CEP170: variants seen among roughly 807,000 people sequenced by gnomAD.
The protein encoded by CEP170 is centrosomal protein 170, also known as centrosomal protein of 170 kDa.
CEP170 carries 21 observed loss-of-function variants against 151.9 expected under a neutral mutation model. The ratio of observed to expected loss-of-function variants is 0.14; its 90% CI spans 0.10 to 0.20. CEP170 has a LOEUF of 0.20. Ranked by LOEUF, CEP170 falls within the 10% of genes least tolerant of loss-of-function variation. The probability of loss-of-function intolerance (pLI) is 1.00; values close to 1 mark genes in which losing one functional copy is unlikely to be tolerated. For synonymous variants in CEP170, 356 were observed against 648.8 expected (o/e 0.55, Z 6.86); for missense variants, 964 against 1,892.9 (o/e 0.51, Z 9.11).
At chr1:243,189,979 TGTCCG>T (rs1396767744) in intron 8 of CEP170, among the ~76,000 whole-genome samples, 3 of 152,282 alleles carry the variant, frequency 2.0e-5, no homozygotes, top group Non-Finnish European at 4.4e-5. Context: ...ATCATCTCAC[TGTCCG>T]GAAATGTCTT....
Position 243,191,145 on chromosome 1 carries a change from C to T in CEP170, c.981G>A (p.Met327Ile), listed in dbSNP as rs765332898. 2.5e-6 allele frequency: 4 copies of T among 1,613,146 alleles called. No homozygotes were observed. Among genetic ancestry groups the T allele is most frequent in the Non-Finnish European group, 3.4e-6 (4 of 1,179,446 alleles). ...AGTCAGCAACTTTGTTTTCGGGTGC[C>T]ATCATTCCTGTTTGAATCCCCAGCA... Reference protein sequence around the residue: ...QDLLGIQTGMMAPENKVADWL... With the variant: ...QDLLGIQTGMIAPENKVADWL... Residue 327 changes from methionine to isoleucine, a missense_variant, in exon 8 of 20, where the codon ATG (methionine) becomes ATA (isoleucine). By Grantham distance (10) the Met-to-Ile change is conservative (BLOSUM62 1). Coordinates refer to ENST00000366542, the MANE Select transcript of CEP170 (RefSeq NM_014812.3).
Position 243,165,823 on chromosome 1 carries a change from C to G in CEP170, c.2137G>C (p.Gly713Arg), listed in dbSNP as rs2058399444. The part of the protein sequence containing the change: ...RAVNGETLKT[G>R]GDNKTLLHLG... ...TGAAGTAGGGTTTTATTATCTCCACCAGTTTTGAGAGTCTCTCCATTTACT... is the reference window on the plus strand; with the variant it reads ...TGAAGTAGGGTTTTATTATCTCCACGAGTTTTGAGAGTCTCTCCATTTACT... Residue 713 changes from glycine to arginine, a missense_variant, in exon 13 of 20, where the codon GGT becomes CGT. Physicochemically the swap from Gly to Arg is moderately radical, Grantham distance 125. Coordinates refer to ENST00000366542, the MANE Select transcript of CEP170 (RefSeq NM_014812.3). The G allele has an allele frequency of 6.2e-7, 1 of 1,613,882 alleles. No individual in the cohort carries two copies. The highest frequency in any genetic ancestry group is 1.1e-5 in the South Asian group (1 of 91,090).
intron 17 of CEP170, among the ~76,000 whole-genome samples, chr1:243,133,209 C>T (rs1390373835): frequency 6.6e-6 from 1 of 152,190 alleles, no homozygotes; most frequent in Non-Finnish European, 1.5e-5. Flanking sequence ...AGTGCCCTTG[C>T]TATGGGCTTC....
chr1:243,211,844 T>A, intron 4 of CEP170, 42 bp downstream of exon 4: 2 of 1,572,614 alleles, frequency 1.3e-6, no homozygotes, highest in Non-Finnish European at 1.7e-6. Flanking sequence ...AGTAAACATA[T>A]TTGAATAAAT....
intron 10 of CEP170, among the ~76,000 whole-genome samples, chr1:243,173,797 A>G (rs1206404707): frequency 6.6e-6 from 1 of 152,092 alleles, no homozygotes; most frequent in African/African-American, 2.4e-5. Context: ...AAAGAGTTAG[A>G]AAAAAGTATC....
At chr1:243,176,462 A>T (rs920104805) in intron 10 of CEP170, among the ~76,000 whole-genome samples, 1 of 106,704 alleles carries the variant, frequency 9.4e-6, no homozygotes, top group East Asian at 2.9e-4. Context: ...TCTCTCCTAC[A>T]GTTCCCCCGA....
chr1:243,214,280 G>GTTT lies in CEP170; in HGVS notation c.196-2319_196-2317dup, dbSNP rs758433258. Among the ~76,000 whole-genome samples, 602 of 100,464 alleles carry GTTT rather than the reference G, an allele frequency of 6.0e-3. 12 individuals carry two copies. The highest frequency in any genetic ancestry group is 9.6e-3 in the African/African-American group (265 of 27,644). 65.9% of individuals were successfully genotyped at this position (100,464 alleles called of 152,430 possible). ...TATTAACAAAATTATAAGCTGTAAA[G>GTTT]TTTTTTTTTTTTTTTTTTTTTTGAG... is the stretch of plus-strand genomic sequence containing the variant. On this transcript the variant is annotated intron_variant, in intron 3 of 19. Coordinates refer to ENST00000366542, the MANE Select transcript of CEP170 (RefSeq NM_014812.3).
rs1161021988 is a variant in CEP170, at chr1:243,140,144, T to C, written c.4060-37A>G. 3.1e-6 allele frequency: 5 copies of C among 1,588,274 alleles called. No homozygotes were observed. In the African/African-American group the frequency reaches 6.8e-5, roughly 21 times the overall value. On this transcript the variant is annotated intron_variant, in intron 15 of 19. Transcript: ENST00000366542. Reference sequence around the variant, plus strand: ...AAAGCAAACCTTTATGAGAACACAGTAATTTGAAAAAGTACCAATATTGGC... The same window carrying C: ...AAAGCAAACCTTTATGAGAACACAGCAATTTGAAAAAGTACCAATATTGGC...
At chr1:243,245,859 T>C (rs1259911115) in intron 1 of CEP170, among the ~76,000 whole-genome samples, 1 of 150,746 alleles carries the variant, frequency 6.6e-6, no homozygotes, top group East Asian at 2.0e-4. Flanking sequence ...GCGGAGAGGA[T>C]CCCTTGAGCC....
Position 243,175,447 on chromosome 1 carries a change from C to T in CEP170, c.1567-2601G>A, listed in dbSNP as rs1417478092. On this transcript the variant is annotated intron_variant, in intron 10 of 19. Transcript: ENST00000366542. Reference sequence around the variant, plus strand: ...TTAATGATAGCAATGACTACCAGCCCAGATTGAAATCCATATCTATGCGTT... The same window carrying T: ...TTAATGATAGCAATGACTACCAGCCTAGATTGAAATCCATATCTATGCGTT... Among the ~76,000 whole-genome samples the T allele has an allele frequency of 9.2e-5, 14 of 152,276 alleles. 1 individual carries two copies. In the East Asian group the frequency reaches 2.5e-3, roughly 27 times the overall value.
rs571661574 is a variant in CEP170, at chr1:243,243,052, T to C, written c.-42+11988A>G. ...TAGCAGATCCTTAACATTCTGGAAT[T>C]TGTTATACACCACTTAGAATCATAG... On this transcript the variant is annotated intron_variant, in intron 1 of 19. Transcript: ENST00000366542. Among the ~76,000 whole-genome samples the C allele has an allele frequency of 3.9e-5, 6 of 152,272 alleles. No individual in the cohort carries two copies. In the South Asian group the frequency reaches 1.2e-3, roughly 32 times the overall value.
Position 243,156,404 on chromosome 1 carries a change from T to C in CEP170, c.3728A>G (p.Asp1243Gly). ...GGAATTACGGTTTGATCCAAATTCATCTTCTGAGGTGGAAGCATAATCAGT... is the reference window on the plus strand; with the variant it reads ...GGAATTACGGTTTGATCCAAATTCACCTTCTGAGGTGGAAGCATAATCAGT... ...FPTDYASTSE[D>G]EFGSNRNSPK... Residue 1243 changes from aspartate to glycine, a missense_variant, in exon 14 of 20, where the codon GAT becomes GGT. By Grantham distance (94) the Asp-to-Gly change is moderately conservative. Coordinates refer to ENST00000366542, the MANE Select transcript of CEP170 (RefSeq NM_014812.3). 3 of 1,553,668 alleles carry C rather than the reference T, an allele frequency of 1.9e-6. 1 individual carries two copies. Among genetic ancestry groups the C allele is most frequent in the South Asian group, 2.4e-5 (2 of 84,204 alleles).
chr1:243,224,164 A>C (rs2063041951), intron 2 of CEP170, among the ~76,000 whole-genome samples: 1 of 152,240 alleles, frequency 6.6e-6, no homozygotes, highest in African/African-American at 2.4e-5. Flanking sequence ...AAATTTAATA[A>C]AAATCTCTCA....
rs374049015 is a variant in CEP170, at chr1:243,126,550, C to T, written c.4654G>A (p.Ala1552Thr). The T allele has an allele frequency of 9.4e-6, 15 of 1,588,212 alleles. No individual in the cohort carries two copies. The highest frequency in any genetic ancestry group is 2.7e-5 in the African/African-American group (2 of 74,420). The change falls in exon 20 of 20, where the codon GCA becomes ACA. Residue 1552 changes from alanine to threonine, a missense_variant. Coordinates refer to ENST00000366542, the MANE Select transcript of CEP170 (RefSeq NM_014812.3). ...GATTCAGCATTCTCAAATTCAGCTG[C>T]GGCTGAAACAGCAGCAGGATGAAGA... ...RALHPAAVSA[A>T]AEFENAESEA...
intron 13 of CEP170, among the ~76,000 whole-genome samples, chr1:243,158,644 A>C (rs536519083): frequency 1.1e-3 from 168 of 152,330 alleles, no homozygotes; most frequent in Non-Finnish European, 1.2e-3. Flanking sequence ...TTAGGATCAA[A>C]ATGCAATTAC....
Position 243,142,474 on chromosome 1 carries a change from T to G in CEP170, c.3912-11A>C, listed in dbSNP as rs761334269. On this transcript the variant is annotated splice_polypyrimidine_tract_variant and intron_variant, in intron 14 of 19. Transcript: ENST00000366542. ...AGATCTTGGCTGATCCTGGTAATAA[T>G]TTTAGAAAAGAAGTTTAATCCCTTT... 2.1e-5 allele frequency: 32 copies of G among 1,536,512 alleles called. No individual in the cohort carries two copies. The Admixed American group carries it at 2.6e-4, about 13-fold the overall frequency.
Position 243,147,492 on chromosome 1 carries a change from T to C in CEP170, c.3912-5029A>G, listed in dbSNP as rs950794852. On this transcript the variant is annotated intron_variant, in intron 14 of 19. Transcript: ENST00000366542. ...AACAGCTCAAGCAGATCTTAAGAAA[T>C]TCACTTAAGGTTTCCTAGAAATGTG... Among the ~76,000 whole-genome samples, 28 of 152,224 alleles carry C rather than the reference T, an allele frequency of 1.8e-4. 1 individual carries two copies. Among genetic ancestry groups the C allele is most frequent in the Non-Finnish European group, 3.4e-4 (23 of 68,038 alleles).
At chr1:243,128,569 A>G in intron 18 of CEP170, 1 of 363,514 alleles carries the variant, frequency 2.8e-6, no homozygotes, top group Non-Finnish European at 4.8e-6. Flanking sequence ...TATTTAAGCA[A>G]AGATTTTTTT....
intron 1 of CEP170, among the ~76,000 whole-genome samples, chr1:243,232,460 T>C (rs115946066): frequency 0.021 from 3,152 of 152,332 alleles, 51 homozygotes; most frequent in Middle Eastern, 0.034. Context: ...GAGTTAGCCA[T>C]ACTTTTCTCT....
Sources: allele counts gnomAD v4.1 joint callset (sites outside exome capture counted in the v4.1 genomes callset), GRCh38; gene constraint gnomAD v4.1.1; transcripts MANE v1.5; gene names NCBI Gene and HGNC (gene_info 2026-07-23, HGNC 2026-07-21).